Variants in GSTA4 observed in about 807,000 individuals in gnomAD.
GSTA4 encodes the protein glutathione S-transferase alpha 4, also known as glutathione S-transferase A4.
GSTA4 carries 15 observed loss-of-function variants against 24.4 expected under a neutral mutation model. The observed-to-expected ratio is 0.61, with a 90% CI of 0.41 to 0.95. The LOEUF (loss-of-function observed/expected upper bound fraction) is 0.95. Ranked by LOEUF, GSTA4 falls within the 40% of genes least tolerant of loss-of-function variation. GSTA4 has a pLI of 0.00. For synonymous variants in GSTA4, 92 were observed against 94.2 expected (o/e 0.98, Z 0.13); for missense variants, 244 against 262.1 (o/e 0.93, Z 0.48).
intron 2 of GSTA4, among the ~76,000 whole-genome samples, chr6:52,988,630 A>G (rs1042219264): frequency 1.3e-5 from 2 of 152,234 alleles, no homozygotes; most frequent in Non-Finnish European, 2.9e-5. Context: ...GCATGAAAAA[A>G]AAGTCAGGTC....
chr6:52,982,252 C>T, intron 6 of GSTA4, among the ~76,000 whole-genome samples: 1 of 151,988 alleles, frequency 6.6e-6, no homozygotes, highest in Non-Finnish European at 1.5e-5. Context: ...GGTGTGCTGG[C>T]ACATGCCTAT....
intron 3 of GSTA4, among the ~76,000 whole-genome samples, chr6:52,987,139 G>A (rs542772379): frequency 2.0e-5 from 3 of 152,180 alleles, no homozygotes; most frequent in East Asian, 1.9e-4. Flanking sequence ...ACCGGGATGT[G>A]GAAGGAACTG....
chr6:52,993,661 C>T (rs941322533), intron 2 of GSTA4, among the ~76,000 whole-genome samples: 20 of 152,212 alleles, frequency 1.3e-4, no homozygotes, highest in African/African-American at 4.3e-4. Context: ...TTGCTGAAGT[C>T]GGGTGATGAG....
chr6:52,983,990 A>G (rs1763502061), intron 5 of GSTA4, among the ~76,000 whole-genome samples: 2 of 152,220 alleles, frequency 1.3e-5, no homozygotes, highest in African/African-American at 4.8e-5. Flanking sequence ...AGATATAACA[A>G]GAAGAGAAAA....
intron 3 of GSTA4, among the ~76,000 whole-genome samples, chr6:52,985,921 G>C (rs969537459): frequency 6.6e-6 from 1 of 152,074 alleles, no homozygotes; most frequent in Non-Finnish European, 1.5e-5. Context: ...TGTGGTAGCA[G>C]ATGCCTGTTG....
At chr6:52,981,704 G>A (rs1326333281) in intron 6 of GSTA4, among the ~76,000 whole-genome samples, 1 of 149,150 alleles carries the variant, frequency 6.7e-6, no homozygotes, top group Middle Eastern at 3.2e-3. Flanking sequence ...TAGACTTGGA[G>A]ATAAAAGGCT....
At chr6:52,993,162 G>C (rs1485925741) in intron 2 of GSTA4, among the ~76,000 whole-genome samples, 1 of 152,154 alleles carries the variant, frequency 6.6e-6, no homozygotes, top group Non-Finnish European at 1.5e-5. Context: ...CTGTAGTTTA[G>C]TTAGTCATGC....
chr6:52,989,502 T>C (rs765776269), intron 2 of GSTA4, among the ~76,000 whole-genome samples: 1 of 152,112 alleles, frequency 6.6e-6, no homozygotes, highest in Non-Finnish European at 1.5e-5. Context: ...AAAGCAAATG[T>C]AGCAAAATGT....
chr6:52,981,932 G>A (rs1763459131), intron 6 of GSTA4, among the ~76,000 whole-genome samples: 1 of 152,208 alleles, frequency 6.6e-6, no homozygotes, highest in Non-Finnish European at 1.5e-5. Flanking sequence ...TTCTCAGAAG[G>A]AGAATGGTAG....
Position 52,986,536 on chromosome 6 carries a change from G to A in GSTA4, c.139+821C>T, listed in dbSNP as rs568230356. ...TCACTAGTTAAAAAAACAACCCATTGTTTTATTTAACAAACCTGAATCCAA... is the reference window on the plus strand; with the variant it reads ...TCACTAGTTAAAAAAACAACCCATTATTTTATTTAACAAACCTGAATCCAA... On this transcript the variant is annotated intron_variant, in intron 3 of 6. Transcript: ENST00000370963. Among the ~76,000 whole-genome samples, 5 of 152,300 alleles carry A rather than the reference G, an allele frequency of 3.3e-5. No homozygotes were observed. In the East Asian group the frequency reaches 7.7e-4, roughly 24 times the overall value.
intron 6 of GSTA4, among the ~76,000 whole-genome samples, chr6:52,980,321 T>TTTG (rs1471858141): frequency 6.6e-6 from 1 of 151,884 alleles, no homozygotes; most frequent in Non-Finnish European, 1.5e-5. Flanking sequence ...GTTTTTTTTT[T>TTTG]TGAGACACAG....
intron 4 of GSTA4, 90 bp from the exon 5 acceptor site, chr6:52,984,695 T>TC: frequency 8.4e-7 from 1 of 1,196,688 alleles, no homozygotes; most frequent in Non-Finnish European, 1.2e-6. Context: ...TTTTTTTTTT[T>TC]TTTTAAAGAT....
chr6:52,989,419 GTAAC>G (rs1763623454), intron 2 of GSTA4, among the ~76,000 whole-genome samples: 1 of 152,090 alleles, frequency 6.6e-6, no homozygotes, highest in Admixed American at 6.5e-5. Context: ...CCCCTTTCCT[GTAAC>G]ATTGGGAGGA....
At position 52,984,448 on chromosome 6, in the gene GSTA4, C is replaced by A; in HGVS notation, c.414+16G>T. The A allele has an allele frequency of 6.2e-7, 1 of 1,607,882 alleles. No homozygotes were observed. The highest frequency in any genetic ancestry group is 1.7e-4 in the Middle Eastern group (1 of 6,038). Reference sequence around the variant, plus strand: ...GGTTTGGTTGCTCTGTGTATGTAGGCATCTCTGCCACCTACCTTTTCAAAC... The same window carrying A: ...GGTTTGGTTGCTCTGTGTATGTAGGAATCTCTGCCACCTACCTTTTCAAAC... On this transcript the variant is annotated intron_variant, in intron 5 of 6. Coordinates refer to ENST00000370963, the MANE Select transcript of GSTA4 (RefSeq NM_001512.4).
chr6:52,979,868 T>A (rs905027166), intron 6 of GSTA4, among the ~76,000 whole-genome samples: 1 of 152,230 alleles, frequency 6.6e-6, no homozygotes. Context: ...TTAAATATTA[T>A]ACCAAAATTT....
intron 2 of GSTA4, among the ~76,000 whole-genome samples, chr6:52,990,880 C>T (rs903605787): frequency 6.6e-6 from 1 of 152,160 alleles, no homozygotes; most frequent in African/African-American, 2.4e-5. Context: ...CGAGGTGGGG[C>T]AGTCCTTATT....
intron 5 of GSTA4, 75 bp downstream of exon 5, chr6:52,984,389 A>G: frequency 1.4e-6 from 2 of 1,379,902 alleles, no homozygotes; most frequent in Non-Finnish European, 2.0e-6. Context: ...CTTGGACAGA[A>G]AAGGGTGTTT....
intron 6 of GSTA4, 49 bp from the exon 7 acceptor site, chr6:52,978,641 T>A (rs1252219788): frequency 6.9e-7 from 1 of 1,454,286 alleles, no homozygotes; most frequent in Non-Finnish European, 9.4e-7. Context: ...AGGTATTAGA[T>A]ACTACGAAGA....
At chr6:52,980,660 C>T (rs1371816312) in intron 6 of GSTA4, among the ~76,000 whole-genome samples, 1 of 152,136 alleles carries the variant, frequency 6.6e-6, no homozygotes, top group Non-Finnish European at 1.5e-5. Context: ...CAGCATCCCA[C>T]CTATTTGGGG....
Sources: allele counts gnomAD v4.1 joint callset (sites outside exome capture counted in the v4.1 genomes callset), GRCh38; gene constraint gnomAD v4.1.1; transcripts MANE v1.5; gene names NCBI Gene and HGNC (gene_info 2026-07-23, HGNC 2026-07-21).